Variants in CNTNAP2 observed in about 807,000 individuals in gnomAD.
CNTNAP2 encodes the protein contactin associated protein 2, also known as contactin-associated protein-like 2.
Under a neutral mutation model 155.2 loss-of-function variants are expected in CNTNAP2, and 98 were observed. The ratio of observed to expected loss-of-function variants is 0.63; its 90% confidence interval spans 0.54 to 0.75. The LOEUF is 0.75. Among genes scored for constraint, CNTNAP2 ranks in the 30% least tolerant of loss-of-function variants. The pLI is 0.00. For missense variants in CNTNAP2, 1,727 were observed against 1,688.1 expected, an observed-to-expected ratio of 1.02 and a Z score of -0.40; for synonymous variants, 651 against 631.2, an observed-to-expected ratio of 1.03 and a Z score of -0.47.
chr7:147,681,164 T>C (rs1295094634), intron 13 of CNTNAP2, among the ~76,000 whole-genome samples: 3 of 151,998 alleles, frequency 2.0e-5, no homozygotes, highest in Non-Finnish European at 2.9e-5. Context: ...CATTGGTTGT[T>C]TTTGTCTGTT....
At chr7:147,160,120 A>G (rs964748039) in intron 8 of CNTNAP2, among the ~76,000 whole-genome samples, 1 of 152,130 alleles carries the variant, frequency 6.6e-6, no homozygotes, top group African/African-American at 2.4e-5. Context: ...TTGGTTTGTC[A>G]ATATCACAAG....
chr7:147,261,025 A>G (rs939307114), intron 8 of CNTNAP2, among the ~76,000 whole-genome samples: 44 of 152,318 alleles, frequency 2.9e-4, no homozygotes, highest in African/African-American at 9.9e-4. Flanking sequence ...AACCAGACAC[A>G]TCTCTGTCCA....
chr7:148,333,434 G>GA (rs58192570), intron 21 of CNTNAP2, among the ~76,000 whole-genome samples: 474 of 143,460 alleles, frequency 3.3e-3, no homozygotes, highest in Non-Finnish European at 6.1e-3. Flanking sequence ...CTCAGGAAAG[G>GA]AAAAAAAAAA....
intron 1 of CNTNAP2, among the ~76,000 whole-genome samples, chr7:146,721,875 G>GTGTGTGTATATATATATA (rs1332551916): frequency 3.9e-5 from 3 of 76,698 alleles, no homozygotes; most frequent in African/African-American, 1.8e-4. Context: ...GTGTGTGTGT[G>GTGTGTGTATATATATATA]TATATATATA....
intron 4 of CNTNAP2, among the ~76,000 whole-genome samples, chr7:147,057,030 G>T (rs1799575952): frequency 6.6e-6 from 1 of 151,890 alleles, no homozygotes; most frequent in Non-Finnish European, 1.5e-5. Context: ...AGACTCCTGG[G>T]CTTAAGCAAT....
chr7:146,209,507 T>C (rs558683702), intron 1 of CNTNAP2, among the ~76,000 whole-genome samples: 1 of 152,320 alleles, frequency 6.6e-6, no homozygotes, highest in South Asian at 2.1e-4. Flanking sequence ...CTTTTATAGA[T>C]GCCACTGAAA....
chr7:147,849,705 G>C (rs1798888891), intron 13 of CNTNAP2, among the ~76,000 whole-genome samples: 1 of 152,182 alleles, frequency 6.6e-6, no homozygotes, highest in African/African-American at 2.4e-5. Context: ...CCTGCGAGCA[G>C]GCCAGGGACT....
intron 1 of CNTNAP2, among the ~76,000 whole-genome samples, chr7:146,535,520 C>CATTA (rs1243060983): frequency 9.7e-6 from 1 of 102,814 alleles, no homozygotes; most frequent in African/African-American, 6.0e-5. Flanking sequence ...AATCAATCAA[C>CATTA]ATTTGTTTAT....
chr7:147,531,963 T>C (rs948293633), intron 11 of CNTNAP2, among the ~76,000 whole-genome samples: 7 of 151,936 alleles, frequency 4.6e-5, no homozygotes, highest in Non-Finnish European at 7.4e-5. Flanking sequence ...CCTGCCACCA[T>C]GTCCGACTAA....
intron 9 of CNTNAP2, among the ~76,000 whole-genome samples, chr7:147,303,081 C>T (rs991741504): frequency 6.6e-6 from 1 of 152,150 alleles, no homozygotes. Flanking sequence ...CTAAGTGATG[C>T]TAACTCCAGA....
intron 14 of CNTNAP2, among the ~76,000 whole-genome samples, chr7:147,905,030 C>G (rs1003453663): frequency 2.0e-5 from 3 of 152,088 alleles, no homozygotes; most frequent in African/African-American, 7.2e-5. Context: ...GTGAATCATC[C>G]AATCAGTCAT....
chr7:147,788,220 T>C (rs972891500), intron 13 of CNTNAP2, among the ~76,000 whole-genome samples: 3 of 152,238 alleles, frequency 2.0e-5, no homozygotes, highest in African/African-American at 7.2e-5. Flanking sequence ...TACTGGAGTA[T>C]AGATTGCTCT....
chr7:146,288,310 A>G (rs1800370950), intron 1 of CNTNAP2, among the ~76,000 whole-genome samples: 1 of 151,868 alleles, frequency 6.6e-6, no homozygotes, highest in African/African-American at 2.4e-5. Context: ...AAAAAAAAAA[A>G]AAAAAAAATT....
At chr7:146,421,714 T>C (rs1796014356) in intron 1 of CNTNAP2, among the ~76,000 whole-genome samples, 1 of 151,974 alleles carries the variant, frequency 6.6e-6, no homozygotes, top group Non-Finnish European at 1.5e-5. Flanking sequence ...AAAGTGAATA[T>C]GCTAGAACCA....
intron 1 of CNTNAP2, among the ~76,000 whole-genome samples, chr7:146,611,717 G>A (rs539966741): frequency 6.6e-6 from 1 of 152,212 alleles, no homozygotes; most frequent in African/African-American, 2.4e-5. Flanking sequence ...AACTCTGCAA[G>A]GGAATATATA....
intron 1 of CNTNAP2, among the ~76,000 whole-genome samples, chr7:146,179,272 G>A (rs1008590347): frequency 5.3e-5 from 8 of 152,090 alleles, no homozygotes; most frequent in Admixed American, 1.3e-4. Flanking sequence ...CGCCATGGAT[G>A]ACTTAATAAC....
chr7:146,200,697 T>G (rs1268557080), intron 1 of CNTNAP2, among the ~76,000 whole-genome samples: 12 of 152,124 alleles, frequency 7.9e-5, no homozygotes, highest in Non-Finnish European at 7.3e-5. Context: ...ATAGCCTAGG[T>G]GTCTAGTAGA....
chr7:147,986,252 T>C lies in CNTNAP2; in HGVS notation c.2383+8263T>C, dbSNP rs536545113. ...TTAATTATAATACATTCGATTTACT[T>C]GGGTTTGGTCTTCAGCCCTCATGCT... On this transcript the variant is annotated intron_variant, in intron 15 of 23. Coordinates refer to ENST00000361727, the MANE Select transcript of CNTNAP2 (RefSeq NM_014141.6). Among the ~76,000 whole-genome samples, 3 of 152,256 alleles carry C rather than the reference T, an allele frequency of 2.0e-5. No homozygotes were observed. In the South Asian group the frequency reaches 6.2e-4, roughly 32 times the overall value.
intron 3 of CNTNAP2, among the ~76,000 whole-genome samples, chr7:146,849,736 C>T (rs1794836737): frequency 6.6e-6 from 1 of 152,172 alleles, no homozygotes; most frequent in South Asian, 2.1e-4. Context: ...TCTTGTTTCA[C>T]TTTCTCCTAT....
Sources: gnomAD v4.1 joint callset for allele counts (sites outside exome capture counted in the v4.1 genomes callset) on GRCh38, gnomAD v4.1.1 for gene constraint, MANE v1.5 for transcripts, NCBI Gene and HGNC (gene_info 2026-07-23, HGNC 2026-07-21) for gene names.